SCARA5: variants seen among roughly 807,000 people sequenced by gnomAD.
SCARA5 encodes the protein scavenger receptor class A, member 5 (putative).
In SCARA5, 45 loss-of-function variants were observed where a neutral mutation model predicts 46.3. The ratio of observed to expected loss-of-function variants is 0.97; its 90% CI spans 0.76 to 1.24. SCARA5 has a LOEUF of 1.24. Ranked by LOEUF, SCARA5 falls within the 50% of genes most tolerant of loss-of-function variation. The pLI, the probability that SCARA5 is intolerant of heterozygous loss-of-function variation, is 0.00. For synonymous variants in SCARA5, 333 were observed against 306.5 expected (o/e 1.09, Z -0.90); for missense variants, 680 against 689.0 (o/e 0.99, Z 0.15).
At chr8:27,951,424 G>GC (rs1178467662) in intron 3 of SCARA5, among the ~76,000 whole-genome samples, 2 of 152,214 alleles carry the variant, frequency 1.3e-5, no homozygotes, top group Non-Finnish European at 2.9e-5. Context: ...CCTTTAAAGA[G>GC]CCCCAAAGTA....
At chr8:27,956,196 T>C (rs1019131269) in intron 3 of SCARA5, among the ~76,000 whole-genome samples, 13 of 152,146 alleles carry the variant, frequency 8.5e-5, no homozygotes, top group Admixed American at 6.5e-4. Context: ...TGGGGTGCAA[T>C]GTTCAGTACT....
At chr8:27,929,196 C>T (rs1227511846) in intron 3 of SCARA5, among the ~76,000 whole-genome samples, 1 of 152,162 alleles carries the variant, frequency 6.6e-6, no homozygotes, top group African/African-American at 2.4e-5. Context: ...AGGTGGCTTG[C>T]CCCTGCACAT....
chr8:27,889,478 C>T (rs1332194723), intron 7 of SCARA5, among the ~76,000 whole-genome samples: 2 of 152,116 alleles, frequency 1.3e-5, no homozygotes, highest in African/African-American at 4.8e-5. Context: ...TTACCCAAGT[C>T]ATCCCGTAGC....
At position 27,922,010 on chromosome 8, in the gene SCARA5, C is replaced by T. The variant is rs760182113; in HGVS notation, c.477G>A (p.Gln159=). The change falls in exon 4 of 9, where the codon CAG becomes CAA. Residue 159 remains glutamine (Q), a synonymous_variant. Coordinates refer to ENST00000354914, the MANE Select transcript of SCARA5 (RefSeq NM_173833.6). Reference sequence around the variant, plus strand: ...CCACCGCCTGCTCGGTCTGCACCGCCTGCGCCTGCAGCCCCCACAGCGCGC... The same window carrying T: ...CCACCGCCTGCTCGGTCTGCACCGCTTGCGCCTGCAGCCCCCACAGCGCGC... ...LEGALWGLQA[Q]AVQTEQAVAL... is the part of the protein sequence containing the mutation. 7.5e-5 allele frequency: 118 copies of T among 1,569,178 alleles called. No individual in the cohort carries two copies. The highest frequency in any genetic ancestry group is 9.7e-5 in the Non-Finnish European group (113 of 1,165,116).
chr8:27,986,783 G>A (rs1026948344), intron 2 of SCARA5, among the ~76,000 whole-genome samples: 3 of 152,166 alleles, frequency 2.0e-5, no homozygotes, highest in South Asian at 2.1e-4. Context: ...CTCCTTGGCC[G>A]GAAGTCTTTG....
At position 27,936,592 on chromosome 8, in the gene SCARA5, T is replaced by TAAAAAAAAAAAAAAAAAAAAAA. The variant is rs71222526; in HGVS notation, c.242-14348_242-14347insTTTTTTTTTTTTTTTTTTTTTT. Among the ~76,000 whole-genome samples the TAAAAAAAAAAAAAAAAAAAAAA allele has an allele frequency of 3.2e-4, 10 of 31,318 alleles. 2 individuals carry two copies. The highest frequency in any genetic ancestry group is 1.4e-3 in the Admixed American group (2 of 1,454). 20.5% of individuals were successfully genotyped at this position (31,318 alleles called of 152,430 possible). A position where few individuals can be genotyped will look rare whatever the true frequency, so the allele number is the denominator to read the frequency against. ...TGAGAGAGAAAGACTGTGTCTCCAT[T>TAAAAAAAAAAAAAAAAAAAAAA]AAAAAAAAAAAAAAAAAAAGGTGGG... is the stretch of plus-strand genomic sequence containing the variant. On this transcript the variant is annotated intron_variant, in intron 3 of 8. Transcript: ENST00000354914.
At chr8:27,990,403 T>C (rs1286828335) in intron 1 of SCARA5, among the ~76,000 whole-genome samples, 1 of 152,206 alleles carries the variant, frequency 6.6e-6, no homozygotes, top group Non-Finnish European at 1.5e-5. Flanking sequence ...TGGATCTTAC[T>C]GTCTTTGGAC....
Position 27,904,838 on chromosome 8 carries a change from AAAC to A in SCARA5, c.1097-7_1097-5del, listed in dbSNP as rs762898605. On this transcript the variant is annotated splice_region_variant and splice_polypyrimidine_tract_variant and intron_variant, in intron 6 of 8. Coordinates refer to ENST00000354914, the MANE Select transcript of SCARA5 (RefSeq NM_173833.6). ...TCTCCTTTTGGGCCTCGGTCACCTA[AAAC>A]AGAGGAGGAAACTGGCATTAGAAAT... 3 of 1,604,466 alleles carry A rather than the reference AAAC, an allele frequency of 1.9e-6. No individual in the cohort carries two copies. Among genetic ancestry groups the A allele is most frequent in the Non-Finnish European group, 2.6e-6 (3 of 1,174,450 alleles).
chr8:27,935,297 A>G (rs944617728), intron 3 of SCARA5, among the ~76,000 whole-genome samples: 3 of 152,234 alleles, frequency 2.0e-5, no homozygotes, highest in African/African-American at 7.2e-5. Flanking sequence ...CCTGGGCAGG[A>G]GACCAGTGTC....
intron 4 of SCARA5, among the ~76,000 whole-genome samples, chr8:27,911,430 T>C (rs7846623): frequency 0.56 from 84,469 of 151,738 alleles, 24,114 homozygotes; most frequent in Non-Finnish European, 0.63. Context: ...TAGTGGCTCA[T>C]GCCCGTAATC....
chr8:27,982,379 G>A (rs1299758412), intron 2 of SCARA5, among the ~76,000 whole-genome samples: 1 of 151,508 alleles, frequency 6.6e-6, no homozygotes, highest in African/African-American at 2.4e-5. Flanking sequence ...AAGGAAGGTG[G>A]GGGTGGGGTG....
intron 2 of SCARA5, among the ~76,000 whole-genome samples, chr8:27,966,901 T>C (rs1808377942): frequency 6.6e-6 from 1 of 152,134 alleles, no homozygotes; most frequent in Non-Finnish European, 1.5e-5. Context: ...CCAGGGAACA[T>C]AAAGAGAAAT....
chr8:27,874,797 T>C (rs1806696466), intron 8 of SCARA5, among the ~76,000 whole-genome samples: 1 of 152,182 alleles, frequency 6.6e-6, no homozygotes, highest in African/African-American at 2.4e-5. Flanking sequence ...CTTACCTCCT[T>C]TTCCATCTGT....
chr8:27,954,874 C>T (rs770265261), intron 3 of SCARA5, among the ~76,000 whole-genome samples: 2 of 152,176 alleles, frequency 1.3e-5, no homozygotes, highest in Non-Finnish European at 2.9e-5. Flanking sequence ...TGACTCCTCC[C>T]GGAAAGATGC....
intron 7 of SCARA5, among the ~76,000 whole-genome samples, chr8:27,888,517 G>T (rs1334244090): frequency 6.6e-6 from 1 of 152,176 alleles, no homozygotes; most frequent in Non-Finnish European, 1.5e-5. Context: ...TGTAACTTCT[G>T]CTCTCCTGAA....
At chr8:27,925,923 G>A (rs1413628312) in intron 3 of SCARA5, among the ~76,000 whole-genome samples, 1 of 152,148 alleles carries the variant, frequency 6.6e-6, no homozygotes. Context: ...CAGTTAGAAT[G>A]GCAATCATTA....
chr8:27,943,829 G>A (rs780595521), intron 3 of SCARA5, among the ~76,000 whole-genome samples: 4 of 152,178 alleles, frequency 2.6e-5, no homozygotes, highest in Admixed American at 6.5e-5. Context: ...TGGAGTGAAG[G>A]ATTGCTGGCA....
At chr8:27,956,051 C>G (rs1255402901) in intron 3 of SCARA5, among the ~76,000 whole-genome samples, 2 of 152,100 alleles carry the variant, frequency 1.3e-5, no homozygotes, top group African/African-American at 4.8e-5. Context: ...TGTTAAATAA[C>G]CAAGTGGGGA....
intron 3 of SCARA5, among the ~76,000 whole-genome samples, chr8:27,949,718 C>T (rs935431596): frequency 1.3e-5 from 2 of 152,220 alleles, no homozygotes; most frequent in Admixed American, 6.5e-5. Flanking sequence ...CTCACGCCCA[C>T]GGTACCCGGA....
Sources: gnomAD v4.1 joint callset for allele counts (sites outside exome capture counted in the v4.1 genomes callset) on GRCh38, gnomAD v4.1.1 for gene constraint, MANE v1.5 for transcripts, NCBI Gene and HGNC (gene_info 2026-07-23, HGNC 2026-07-21) for gene names.